The following RNF212B variants were observed in gnomAD, a reference collection of about 807,000 sequenced individuals.
The protein encoded by RNF212B is ring finger protein 212B.
A neutral mutation model predicts 55.5 loss-of-function variants in RNF212B; 52 were observed. The ratio of observed to expected loss-of-function variants is 0.94; its 90% CI spans 0.75 to 1.18. The LOEUF is 1.18. RNF212B is among the 50% of genes most tolerant of loss of function. The pLI is 0.00. For synonymous variants in RNF212B, 99 were observed against 121.4 expected, an observed-to-expected ratio of 0.82 and a Z score of 1.21; for missense variants, 289 against 350.4, an observed-to-expected ratio of 0.82 and a Z score of 1.40.
At chr14:23,194,078 G>C (rs971535897) in intron 2 of RNF212B, among the ~76,000 whole-genome samples, 1 of 152,130 alleles carries the variant, frequency 6.6e-6, no homozygotes, top group Non-Finnish European at 1.5e-5. Context: ...CTGACCTCAG[G>C]TGATCCACCC....
chr14:23,239,498 T>C (rs1566420896), intron 1 of RNF212B, among the ~76,000 whole-genome samples: 1 of 152,244 alleles, frequency 6.6e-6, no homozygotes, highest in Non-Finnish European at 1.5e-5. Flanking sequence ...TGATCTTCTC[T>C]TTCTGGTTCA....
intron 4 of RNF212B, among the ~76,000 whole-genome samples, chr14:23,249,759 G>A (rs904878005): frequency 2.0e-5 from 3 of 152,122 alleles, no homozygotes; most frequent in Admixed American, 2.0e-4. Context: ...CTGCCTGGTG[G>A]GCTGCTGTGG....
Position 23,218,359 on chromosome 14 carries a change from G to C in RNF212B, c.-1-21986G>C, listed in dbSNP as rs563961740. Among the ~76,000 whole-genome samples, 15 of 120,706 alleles carry C rather than the reference G, an allele frequency of 1.2e-4. No homozygotes were observed. In the South Asian group the frequency reaches 4.2e-3, roughly 34 times the overall value. 79.2% of individuals were successfully genotyped at this position (120,706 alleles called of 152,430 possible). On this transcript the variant is annotated intron_variant, in intron 2 of 15. Transcript: ENST00000399910. ...CTATAGCCTGGGTGACAGAGTGAGA[G>C]TCTATCTCAAAAAAAAAAATAAATA...
chr14:23,254,270 G>A (rs1220083352), intron 4 of RNF212B, among the ~76,000 whole-genome samples: 1 of 146,058 alleles, frequency 6.8e-6, no homozygotes, highest in African/African-American at 2.6e-5. Flanking sequence ...GGGTGACAGA[G>A]CAATACTCTT....
At chr14:23,240,307 T>C (rs987872597) in intron 1 of RNF212B, 38 bp from the exon 2 acceptor site, 1 of 1,335,502 alleles carries the variant, frequency 7.5e-7, no homozygotes, top group Non-Finnish European at 1.0e-6. Context: ...TATGTTATTC[T>C]CTAGGTTATT....
chr14:23,240,455 T>C lies in RNF212B; in HGVS notation c.100+10T>C, dbSNP rs2140435440. 3.3e-6 allele frequency: 5 copies of C among 1,499,522 alleles called. No individual in the cohort carries two copies. The East Asian group carries it at 1.2e-4, about 37-fold the overall frequency. The allele number at this position is 1,499,522 out of a possible 1,614,324, so 92.9% of individuals were successfully genotyped here. A position where few individuals can be genotyped will look rare whatever the true frequency, so the allele number is the denominator to read the frequency against. On this transcript the variant is annotated intron_variant, in intron 2 of 14. Coordinates refer to ENST00000430154, the MANE Select transcript of RNF212B (RefSeq NM_001282322.3). ...AAGTGTGTGACTCTGGGTGAGTGAC[T>C]CAACTGTTTTCAGATTCAGGGAAAA... is the stretch of plus-strand genomic sequence containing the variant.
At chr14:23,244,030 A>G (rs1883814230) in intron 3 of RNF212B, among the ~76,000 whole-genome samples, 1 of 151,932 alleles carries the variant, frequency 6.6e-6, no homozygotes, top group Admixed American at 6.6e-5. Context: ...ATGAGCCTAG[A>G]TCACACCACT....
intron 1 of RNF212B, among the ~76,000 whole-genome samples, chr14:23,191,841 G>C (rs570805201): frequency 6.6e-6 from 1 of 152,130 alleles, no homozygotes; most frequent in Admixed American, 6.5e-5. Context: ...GAAGGCACTC[G>C]ACAAATACAT....
chr14:23,258,173 T>C (rs929546948), intron 4 of RNF212B, among the ~76,000 whole-genome samples: 3 of 152,178 alleles, frequency 2.0e-5, no homozygotes, highest in African/African-American at 7.2e-5. Context: ...ACCCCGTCTC[T>C]ACTAAAAATA....
chr14:23,259,237 A>G (rs1336965779), intron 5 of RNF212B, among the ~76,000 whole-genome samples: 1 of 151,780 alleles, frequency 6.6e-6, no homozygotes, highest in Non-Finnish European at 1.5e-5. Context: ...GAAATCAGAT[A>G]TAGCTGATTC....
chr14:23,264,239 G>T lies in RNF212B; in HGVS notation c.585+5G>T. ...GGCTTTGGTAGCTTGGGACAAGTAAGTAATGTTCACCTTATCTTTCCAGAT... is the reference window on the plus strand; with the variant it reads ...GGCTTTGGTAGCTTGGGACAAGTAATTAATGTTCACCTTATCTTTCCAGAT... On this transcript the variant is annotated splice_donor_5th_base_variant and intron_variant, in intron 10 of 14. Coordinates refer to ENST00000430154, the MANE Select transcript of RNF212B (RefSeq NM_001282322.3). 1 of 1,544,994 alleles carries T rather than the reference G, an allele frequency of 6.5e-7. No individual in the cohort carries two copies. Among genetic ancestry groups the T allele is most frequent in the Non-Finnish European group, 8.8e-7 (1 of 1,142,040 alleles).
Position 23,215,521 on chromosome 14 carries a change from A to C in RNF212B, c.-2+22120A>C, listed in dbSNP as rs186017508. ...CTCTGTATCTTTAAACAAACAAACA[A>C]ACACACACACAAACAAACAGAAATC... is the stretch of plus-strand genomic sequence containing the variant. On this transcript the variant is annotated intron_variant, in intron 2 of 15. Transcript: ENST00000399910. 1.8e-3 allele frequency among the ~76,000 whole-genome samples: 268 copies of C among 152,220 alleles called. 2 individuals carry two copies. The highest frequency in any genetic ancestry group is 5.9e-3 in the African/African-American group (244 of 41,530).
intron 11 of RNF212B, among the ~76,000 whole-genome samples, chr14:23,267,398 C>A (rs1465184220): frequency 6.6e-6 from 1 of 151,960 alleles, no homozygotes; most frequent in Non-Finnish European, 1.5e-5. Flanking sequence ...TAAATGGACC[C>A]CTTTATCATT....
chr14:23,192,955 G>T (rs1215369342), intron 1 of RNF212B, among the ~76,000 whole-genome samples: 1 of 151,954 alleles, frequency 6.6e-6, no homozygotes, highest in South Asian at 2.1e-4. Flanking sequence ...AGCCGGGCAT[G>T]GTGGCACATG....
At chr14:23,218,558 A>G (rs1881297938) in intron 2 of RNF212B, among the ~76,000 whole-genome samples, 2 of 151,986 alleles carry the variant, frequency 1.3e-5, no homozygotes, top group African/African-American at 4.8e-5. Context: ...GCAGTGAGCC[A>G]TGATCACACC....
chr14:23,272,747 C>G, intron 14 of RNF212B, 76 bp from the exon 15 acceptor site: 1 of 891,174 alleles, frequency 1.1e-6, no homozygotes, highest in African/African-American at 1.7e-5. Flanking sequence ...AAGCTTCATA[C>G]AACAGGTCAG....
intron 2 of RNF212B, among the ~76,000 whole-genome samples, chr14:23,221,154 A>G (rs1881536699): frequency 6.6e-6 from 1 of 151,182 alleles, no homozygotes; most frequent in East Asian, 2.0e-4. Context: ...TGGGAGGCTG[A>G]GGTGGACAGA....
intron 2 of RNF212B, among the ~76,000 whole-genome samples, chr14:23,222,211 T>G (rs1340771245): frequency 6.6e-6 from 1 of 151,598 alleles, no homozygotes; most frequent in Admixed American, 6.6e-5. Flanking sequence ...AAAGTTCTTT[T>G]GAAAAGATGA....
At chr14:23,204,093 G>C (rs544057099) in intron 2 of RNF212B, among the ~76,000 whole-genome samples, 6 of 152,172 alleles carry the variant, frequency 3.9e-5, no homozygotes, top group African/African-American at 1.4e-4. Context: ...TTACTGATTT[G>C]TTTGAGTTCG....
Sources: gnomAD v4.1 joint callset for allele counts (sites outside exome capture counted in the v4.1 genomes callset) on GRCh38, gnomAD v4.1.1 for gene constraint, MANE v1.5 for transcripts, NCBI Gene and HGNC (gene_info 2026-07-23, HGNC 2026-07-21) for gene names.